The following SKIC3 variants were observed in gnomAD, a reference collection of about 807,000 sequenced individuals.
The protein encoded by SKIC3 is SKI3 subunit of superkiller complex.
the SKIC3 span, among the ~76,000 whole-genome samples, chr5:95,473,674 G>C: frequency 5.9e-5 from 9 of 152,190 alleles, no homozygotes; most frequent in Non-Finnish European, 1.0e-4. Context: ...TAATAGGGAT[G>C]AGCATTTTTT....
chr5:95,540,845 G>A, the SKIC3 span: 2 of 1,613,134 alleles, frequency 1.2e-6, no homozygotes, highest in Non-Finnish European at 8.5e-7. Context: ...TAAAGAAGGA[G>A]ATTTTAAATT....
chr5:95,518,394 T>C, the SKIC3 span, among the ~76,000 whole-genome samples: 1 of 152,132 alleles, frequency 6.6e-6, no homozygotes, highest in African/African-American at 2.4e-5. Flanking sequence ...TACAGAACAC[T>C]AGAACTTATT....
chr5:95,536,116 T>C, the SKIC3 span, among the ~76,000 whole-genome samples: 65 of 152,344 alleles, frequency 4.3e-4, no homozygotes, highest in Non-Finnish European at 6.2e-4. Flanking sequence ...AGCTACAGGT[T>C]ACCCAACTCC....
chr5:95,553,810 C>T, the SKIC3 span, among the ~76,000 whole-genome samples: 2 of 152,238 alleles, frequency 1.3e-5, no homozygotes, highest in African/African-American at 4.8e-5. Flanking sequence ...CCGCCCGTCT[C>T]GGCTTCCCAA....
the SKIC3 span, chr5:95,503,125 C>T: frequency 2.8e-6 from 3 of 1,073,808 alleles, no homozygotes; most frequent in Non-Finnish European, 4.1e-6. Flanking sequence ...TTTGTATTCT[C>T]CTGTTCTCAA....
At chr5:95,508,405 A>T in the SKIC3 span, among the ~76,000 whole-genome samples, 1 of 151,854 alleles carries the variant, frequency 6.6e-6, no homozygotes, top group Admixed American at 6.6e-5. Context: ...ATTTCCTACC[A>T]CTCTCCAGCT....
the SKIC3 span, among the ~76,000 whole-genome samples, chr5:95,498,949 T>G: frequency 2.0e-5 from 3 of 152,178 alleles, no homozygotes; most frequent in African/African-American, 7.2e-5. Context: ...TCTTTATCTG[T>G]AACTATCAAA....
the SKIC3 span, chr5:95,494,661 T>G: frequency 8.7e-6 from 14 of 1,604,798 alleles, no homozygotes; most frequent in South Asian, 1.1e-5. Flanking sequence ...TTGGAATTAA[T>G]GAAATAGATA....
the SKIC3 span, among the ~76,000 whole-genome samples, chr5:95,490,502 A>ATT: frequency 3.2e-3 from 438 of 137,582 alleles, 3 homozygotes; most frequent in South Asian, 0.014. Context: ...ATATATATAT[A>ATT]TATTTTTTTT....
chr5:95,513,584 T>C, the SKIC3 span: 10 of 1,613,726 alleles, frequency 6.2e-6, no homozygotes, highest in Non-Finnish European at 7.6e-6. Context: ...CATATTTAGT[T>C]CTGTAGTGTG....
the SKIC3 span, chr5:95,516,902 T>C: frequency 6.4e-7 from 1 of 1,571,126 alleles, no homozygotes; most frequent in Non-Finnish European, 8.6e-7. Context: ...ATAAAAAATT[T>C]ATTTATACCA....
At chr5:95,522,154 CTTAAA>C in the SKIC3 span, 1 of 1,613,866 alleles carries the variant, frequency 6.2e-7, no homozygotes, top group Non-Finnish European at 8.5e-7. Flanking sequence ...TTGCTGCAAC[CTTAAA>C]CACACTGTAT....
the SKIC3 span, chr5:95,498,527 G>T: frequency 6.2e-7 from 1 of 1,614,156 alleles, no homozygotes; most frequent in Non-Finnish European, 8.5e-7. Context: ...GTAGCATCCT[G>T]CATTGCCAAC....
chr5:95,547,654 C>G, the SKIC3 span, among the ~76,000 whole-genome samples: 1 of 152,050 alleles, frequency 6.6e-6, no homozygotes, highest in African/African-American at 2.4e-5. Context: ...CATTCATTCT[C>G]TATATATTTT....
the SKIC3 span, chr5:95,509,501 C>A: frequency 2.1e-6 from 2 of 963,208 alleles, no homozygotes; most frequent in South Asian, 2.8e-5. Context: ...CTGGCTTCAC[C>A]CGGTTCTCCC....
chr5:95,512,409 T>A, the SKIC3 span: 24 of 1,538,002 alleles, frequency 1.6e-5, no homozygotes, highest in Non-Finnish European at 2.1e-5. Flanking sequence ...ATGAATTAAT[T>A]TTAAAAATTA....
the SKIC3 span, among the ~76,000 whole-genome samples, chr5:95,477,007 T>C: frequency 2.0e-5 from 3 of 152,152 alleles, no homozygotes; most frequent in African/African-American, 7.2e-5. Flanking sequence ...CAAAAATCAA[T>C]AAATAATACT....
the SKIC3 span, among the ~76,000 whole-genome samples, chr5:95,511,659 A>T: frequency 6.6e-6 from 1 of 152,110 alleles, no homozygotes; most frequent in Non-Finnish European, 1.5e-5. Context: ...TACTGTTTTC[A>T]GTACTCTTGC....
At chr5:95,538,183 T>C in the SKIC3 span, among the ~76,000 whole-genome samples, 1 of 152,128 alleles carries the variant, frequency 6.6e-6, no homozygotes, top group Non-Finnish European at 1.5e-5. Flanking sequence ...TCCAAAAAGT[T>C]ATTTTACTTA....
Sources: gnomAD v4.1 joint callset for allele counts (sites outside exome capture counted in the v4.1 genomes callset) on GRCh38, gnomAD v4.1.1 for gene constraint, MANE v1.5 for transcripts, NCBI Gene and HGNC (gene_info 2026-07-23, HGNC 2026-07-21) for gene names.